The following EDEM3 variants were observed in gnomAD, a reference collection of about 807,000 sequenced individuals.
EDEM3 encodes the protein ER degradation-enhancing alpha-mannosidase-like protein 3.
A neutral mutation model predicts 110.2 loss-of-function variants in EDEM3; 60 were observed. The ratio of observed to expected loss-of-function variants is 0.54; its 90% CI spans 0.44 to 0.67. The LOEUF (loss-of-function observed/expected upper bound fraction) is 0.67. EDEM3 is among the 30% of genes least tolerant of loss of function. EDEM3 has a pLI of 0.00. For synonymous variants in EDEM3, 352 were observed against 382.9 expected (o/e 0.92, Z 0.94); for missense variants, 996 against 1,121.0 (o/e 0.89, Z 1.59).
intron 19 of EDEM3, among the ~76,000 whole-genome samples, chr1:184,697,056 T>A (rs1330468936): frequency 1.3e-5 from 2 of 151,844 alleles, no homozygotes; most frequent in Non-Finnish European, 2.9e-5. Flanking sequence ...ATAAAAAAAA[T>A]TTGGTAAGAA....
At position 184,692,835 on chromosome 1, in the gene EDEM3, T is replaced by C. The variant is rs1649123963; in HGVS notation, c.*1228A>G. The C allele has an allele frequency of 6.7e-6, 1 of 149,408 alleles. No individual in the cohort carries two copies. Among genetic ancestry groups the C allele is most frequent in the African/African-American group, 2.5e-5 (1 of 40,768 alleles). 9.3% of individuals were successfully genotyped at this position (149,408 alleles called of 1,614,324 possible). A position where few individuals can be genotyped will look rare whatever the true frequency, so the allele number is the denominator to read the frequency against. ...GAAGTCTCATTAAGCTATATAGCTA[T>C]ATGTAGTTGTATTGTACTTTTTTTT... On this transcript the variant is annotated 3_prime_UTR_variant, in exon 20 of 20. Coordinates refer to ENST00000318130, the MANE Select transcript of EDEM3 (RefSeq NM_025191.4).
chr1:184,706,545 A>G, intron 18 of EDEM3, 98 bp downstream of exon 18: 1 of 1,203,618 alleles, frequency 8.3e-7, no homozygotes. Context: ...AAAAAAAACT[A>G]TGACAAACTC....
Position 184,694,221 on chromosome 1 carries a change from T to C in EDEM3, c.2641A>G (p.Thr881Ala), listed in dbSNP as rs1311286980. ...TCTTGAAGCTGGTTATCTAAATCTG[T>C]ACATTCACCATTAAGATTTGTAGTC... The part of the protein sequence containing the change: ...HETTNLNGEC[T>A]DLDNQLQEQS... The change falls in exon 20 of 20, where the codon ACA (threonine) becomes GCA (alanine). Residue 881 changes from threonine to alanine, a missense_variant. Physicochemically the swap from Thr to Ala is moderately conservative, Grantham distance 58. Coordinates refer to ENST00000318130, the MANE Select transcript of EDEM3 (RefSeq NM_025191.4). 2 of 1,613,506 alleles carry C rather than the reference T, an allele frequency of 1.2e-6. No individual in the cohort carries two copies. The highest frequency in any genetic ancestry group is 1.7e-4 in the Middle Eastern group (1 of 6,058).
chr1:184,723,545 G>T (rs139911354), intron 8 of EDEM3, among the ~76,000 whole-genome samples: 35 of 151,900 alleles, frequency 2.3e-4, no homozygotes, highest in African/African-American at 6.8e-4. Flanking sequence ...TATCCATTAA[G>T]AAATAGAATA....
rs201462809 is a variant in EDEM3 at position 184,708,161 on chromosome 1, G to T, written c.2029C>A (p.His677Asn). The part of the protein sequence containing the change: ...PAQFGLDLSK[H>N]KETRGFVASS... ...ATTTTAAGTATACATACCTCTTTAT[G>T]TTTAGACAGATCCAGCCCAAACTGA... Residue 677 changes from histidine (H) to asparagine (N), a missense_variant, in exon 17 of 20, where the codon CAT becomes AAT. His to Asn is a moderately conservative substitution (Grantham distance 68). Transcript: ENST00000318130. 1 of 1,611,840 alleles carries T rather than the reference G, an allele frequency of 6.2e-7. No individual in the cohort carries two copies. Among genetic ancestry groups the T allele is most frequent in the South Asian group, 1.1e-5 (1 of 90,686 alleles).
chr1:184,732,894 CT>C lies in EDEM3; in HGVS notation c.554del (p.Gln185ArgfsTer2). ...AAGCCGGTAAAAGTTTGTAACCTAACTGCTTTGCCATTTGGAGAAGTTCATC... is the reference window on the plus strand; with the variant it reads ...AAGCCGGTAAAAGTTTGTAACCTAACGCTTTGCCATTTGGAGAAGTTCATC... The part of the protein sequence containing the change: ...YNDELLQMAK[Q>X]LGYKLLPAFN... On this transcript the variant is annotated frameshift_variant, in exon 6 of 20. Coordinates refer to ENST00000318130, the MANE Select transcript of EDEM3 (RefSeq NM_025191.4). LOFTEE classifies it high-confidence loss of function. The C allele has an allele frequency of 6.2e-7, 1 of 1,614,090 alleles. No homozygotes were observed. The highest frequency in any genetic ancestry group is 8.5e-7 in the Non-Finnish European group (1 of 1,179,968).
intron 4 of EDEM3, among the ~76,000 whole-genome samples, chr1:184,734,940 G>C (rs914731355): frequency 6.6e-6 from 1 of 152,224 alleles, no homozygotes; most frequent in Admixed American, 6.5e-5. Context: ...CATGAGGTGA[G>C]TTCTAGTAGA....
At position 184,754,766 on chromosome 1, in the gene EDEM3, G is replaced by A; in HGVS notation, c.-120C>T. ...ACGGGGCGGGATGCGGAGTAACACGGACGGCCGCCGGCGCCAAACTGTTTC... is the reference window on the plus strand; with the variant it reads ...ACGGGGCGGGATGCGGAGTAACACGAACGGCCGCCGGCGCCAAACTGTTTC... On this transcript the variant is annotated 5_prime_UTR_variant, in exon 1 of 20. Transcript: ENST00000318130. 1.5e-6 allele frequency: 2 copies of A among 1,374,896 alleles called. No individual in the cohort carries two copies. Among genetic ancestry groups the A allele is most frequent in the South Asian group, 1.6e-5 (1 of 62,706 alleles). 85.2% of individuals were successfully genotyped at this position (1,374,896 alleles called of 1,614,324 possible). A position where few individuals can be genotyped will look rare whatever the true frequency, so the allele number is the denominator to read the frequency against.
chr1:184,746,945 C>A (rs780482067), intron 2 of EDEM3, among the ~76,000 whole-genome samples: 3 of 151,400 alleles, frequency 2.0e-5, no homozygotes, highest in Non-Finnish European at 4.4e-5. Flanking sequence ...TGAAATTCAC[C>A]TTAAACTTGT....
chr1:184,749,875 T>C (rs1217373382), intron 1 of EDEM3, among the ~76,000 whole-genome samples: 7 of 152,174 alleles, frequency 4.6e-5, no homozygotes, highest in Admixed American at 4.6e-4. Context: ...GAATGATAGA[T>C]GCCATCATCA....
At chr1:184,744,175 G>C (rs1324264745) in intron 2 of EDEM3, among the ~76,000 whole-genome samples, 1 of 143,526 alleles carries the variant, frequency 7.0e-6, no homozygotes, top group East Asian at 2.0e-4. Flanking sequence ...TATATCCAAA[G>C]CATATATTTG....
In EDEM3 at chr1:184,754,763, A is replaced by T; in HGVS notation, c.-117T>A. 7.2e-7 allele frequency: 1 copy of T among 1,381,466 alleles called. No individual in the cohort carries two copies. The highest frequency in any genetic ancestry group is 1.6e-5 in the South Asian group (1 of 63,178). The allele number at this position is 1,381,466 out of a possible 1,614,324, so 85.6% of individuals were successfully genotyped here. Reference sequence around the variant, plus strand: ...GAGACGGGGCGGGATGCGGAGTAACACGGACGGCCGCCGGCGCCAAACTGT... The same window carrying T: ...GAGACGGGGCGGGATGCGGAGTAACTCGGACGGCCGCCGGCGCCAAACTGT... On this transcript the variant is annotated 5_prime_UTR_variant, in exon 1 of 20. Coordinates refer to ENST00000318130, the MANE Select transcript of EDEM3 (RefSeq NM_025191.4).
chr1:184,710,344 C>A, intron 16 of EDEM3, 50 bp downstream of exon 16: 1 of 1,576,838 alleles, frequency 6.3e-7, no homozygotes, highest in African/African-American at 1.4e-5. Flanking sequence ...CTAATGCGAC[C>A]AAAGAAAGCA....
chr1:184,739,451 T>G (rs1048946530), intron 2 of EDEM3, among the ~76,000 whole-genome samples: 1 of 151,518 alleles, frequency 6.6e-6, no homozygotes, highest in Non-Finnish European at 1.5e-5. Flanking sequence ...TTTACCCTTC[T>G]GGAGAACTTT....
At chr1:184,752,350 T>C (rs189563759) in intron 1 of EDEM3, among the ~76,000 whole-genome samples, 445 of 152,304 alleles carry the variant, frequency 2.9e-3, no homozygotes, top group Non-Finnish European at 4.6e-3. Flanking sequence ...CTTTTTATCA[T>C]GAATCATTAT....
chr1:184,732,639 C>T, intron 6 of EDEM3, 198 bp downstream of exon 6: 1 of 569,836 alleles, frequency 1.8e-6, no homozygotes, highest in Non-Finnish European at 2.9e-6. Context: ...TTTTTTAAAG[C>T]TTAAACTAAT....
rs368761756 is a variant in EDEM3, at chr1:184,721,437, AT to A, written c.854-52del. 2.9e-3 allele frequency: 4,269 copies of A among 1,452,794 alleles called. 36 individuals carry two copies. The highest frequency in any genetic ancestry group is 0.026 in the East Asian group (1,085 of 41,878). The allele number at this position is 1,452,794 out of a possible 1,614,324, so 90.0% of individuals were successfully genotyped here. A position where few individuals can be genotyped will look rare whatever the true frequency, so the allele number is the denominator to read the frequency against. On this transcript the variant is annotated intron_variant, in intron 8 of 19. Transcript: ENST00000318130. ...CATTAAATTTTTTTAAAACCGTTAAATTTTTTTAAAAAAATAGCACTCCTTA... is the reference window on the plus strand; with the variant it reads ...CATTAAATTTTTTTAAAACCGTTAAATTTTTTAAAAAAATAGCACTCCTTA...
intron 6 of EDEM3, among the ~76,000 whole-genome samples, chr1:184,729,050 G>C (rs548904725): frequency 1.3e-5 from 2 of 152,232 alleles, no homozygotes; most frequent in East Asian, 3.9e-4. Context: ...TGGTAGATAG[G>C]TTCTTGTCCT....
chr1:184,704,402 C>T (rs1193333683), intron 18 of EDEM3, among the ~76,000 whole-genome samples: 3 of 151,828 alleles, frequency 2.0e-5, no homozygotes, highest in African/African-American at 7.3e-5. Context: ...TGGCTGTAAT[C>T]CCAGCACTTT....
Sources: gnomAD v4.1 joint callset for allele counts (sites outside exome capture counted in the v4.1 genomes callset) on GRCh38, gnomAD v4.1.1 for gene constraint, MANE v1.5 for transcripts, NCBI Gene and HGNC (gene_info 2026-07-23, HGNC 2026-07-21) for gene names.